Variants in ESRRB observed in about 807,000 individuals in gnomAD.
ESRRB encodes the protein steroid hormone receptor ERR2.
In ESRRB, 16 loss-of-function variants were observed where a neutral mutation model predicts 46.0. That is an observed-to-expected ratio of 0.35 (90% confidence interval 0.24 to 0.53). The LOEUF (loss-of-function observed/expected upper bound fraction) is 0.53, where lower values mean the gene tolerates loss of function less well. Ranked by LOEUF, ESRRB falls within the 20% of genes least tolerant of loss-of-function variation. ESRRB has a pLI of 0.93. For synonymous variants in ESRRB, 246 were observed against 259.6 expected (o/e 0.95, Z 0.50); for missense variants, 488 against 607.4 (o/e 0.80, Z 2.07).
intron 1 of ESRRB, among the ~76,000 whole-genome samples, chr14:76,322,753 C>G (rs1883882667): frequency 6.6e-6 from 1 of 152,214 alleles, no homozygotes; most frequent in African/African-American, 2.4e-5. Flanking sequence ...GCAGTGGGGT[C>G]TTCTGCCGAT....
intron 1 of ESRRB, among the ~76,000 whole-genome samples, chr14:76,352,071 C>T (rs532131754): frequency 1.3e-5 from 2 of 151,042 alleles, no homozygotes; most frequent in African/African-American, 4.9e-5. Context: ...TGAGTCAGTG[C>T]CTGGCACAGA....
chr14:76,331,634 C>G lies in ESRRB; in HGVS notation c.2+20718C>G, dbSNP rs1485408348. Among the ~76,000 whole-genome samples, 3 of 152,238 alleles carry G rather than the reference C, an allele frequency of 2.0e-5. No individual in the cohort carries two copies. In the East Asian group the frequency reaches 5.8e-4, roughly 29 times the overall value. On this transcript the variant is annotated intron_variant, in intron 1 of 6. Transcript: ENST00000512784. ...TCTCTGCTTGAAGGACAACAGAGAG[C>G]TGGGGATATGCAGCTGCCTGTCCTC... is the stretch of plus-strand genomic sequence containing the variant.
chr14:76,482,543 C>T lies in ESRRB; in HGVS notation c.689-55C>T, dbSNP rs1025029024. On this transcript the variant is annotated intron_variant, in intron 4 of 6. Coordinates refer to ENST00000644823, the MANE Select transcript of ESRRB (RefSeq NM_001379180.1). The surrounding 1 kb of genome is among the most constrained non-coding windows in gnomAD (Gnocchi z 4.3). Reference sequence around the variant, plus strand: ...CTTCCTGACCCATCTGAGCCTCCACCCCGGCCCCTTTCCTCTTTTCCCAGC... The same window carrying T: ...CTTCCTGACCCATCTGAGCCTCCACTCCGGCCCCTTTCCTCTTTTCCCAGC... 4.4e-6 allele frequency: 7 copies of T among 1,606,760 alleles called. No individual in the cohort carries two copies. The Admixed American group carries it at 1.2e-4, about 27-fold the overall frequency.
chr14:76,335,327 A>G (rs967308046), intron 1 of ESRRB, among the ~76,000 whole-genome samples: 20 of 152,182 alleles, frequency 1.3e-4, no homozygotes, highest in Non-Finnish European at 1.9e-4. Flanking sequence ...TGTACCCAGT[A>G]TATACCAGGC....
intron 3 of ESRRB, among the ~76,000 whole-genome samples, chr14:76,466,673 GC>G (rs1889123579): frequency 6.6e-6 from 1 of 151,974 alleles, no homozygotes; most frequent in Admixed American, 6.5e-5. Flanking sequence ...GGAGTTGATG[GC>G]CTGTGTTCTG....
At chr14:76,345,665 CA>C (rs58894003) in intron 1 of ESRRB, among the ~76,000 whole-genome samples, 152,362 of 152,362 alleles carry the variant, frequency 1, 76,181 homozygotes, top group Non-Finnish European at 1. Flanking sequence ...GTAGAACCAC[CA>C]ATTTGATCCA....
At chr14:76,329,166 C>T (rs1883972839) in intron 1 of ESRRB, among the ~76,000 whole-genome samples, 1 of 152,168 alleles carries the variant, frequency 6.6e-6, no homozygotes, top group Admixed American at 6.5e-5. Context: ...AATTGGATCA[C>T]ATTCTGGGAA....
intron 3 of ESRRB, among the ~76,000 whole-genome samples, chr14:76,464,318 C>A (rs984615235): frequency 9.9e-5 from 15 of 152,204 alleles, no homozygotes; most frequent in Admixed American, 4.6e-4. Flanking sequence ...CCTGCTACCC[C>A]CTCTCCCAGG....
At chr14:76,428,016 G>C (rs779452176) in intron 1 of ESRRB, among the ~76,000 whole-genome samples, 1 of 152,154 alleles carries the variant, frequency 6.6e-6, no homozygotes, top group Non-Finnish European at 1.5e-5. Flanking sequence ...ATATATGTTT[G>C]AGATGGAGTT....
At chr14:76,355,637 G>T (rs1884370471) in intron 1 of ESRRB, among the ~76,000 whole-genome samples, 1 of 152,110 alleles carries the variant, frequency 6.6e-6, no homozygotes, top group East Asian at 1.9e-4. Context: ...GTACAATGCT[G>T]GGCAGTAATA....
At chr14:76,471,572 C>T (rs1566604728) in intron 3 of ESRRB, among the ~76,000 whole-genome samples, 1 of 152,142 alleles carries the variant, frequency 6.6e-6, no homozygotes, top group African/African-American at 2.4e-5. Context: ...CAAACTGTTT[C>T]CCATCTTAGG....
At chr14:76,493,221 C>G (rs1287843065) in intron 6 of ESRRB, among the ~76,000 whole-genome samples, 1 of 152,154 alleles carries the variant, frequency 6.6e-6, no homozygotes, top group African/African-American at 2.4e-5. Context: ...GCGATGCAAT[C>G]TCGGCTCACT....
chr14:76,494,779 G>T (rs1386628909), intron 6 of ESRRB, among the ~76,000 whole-genome samples: 1 of 152,208 alleles, frequency 6.6e-6, no homozygotes, highest in African/African-American at 2.4e-5. Flanking sequence ...AGGAGCAAAA[G>T]CAGTTAAAGC....
intron 1 of ESRRB, among the ~76,000 whole-genome samples, chr14:76,410,871 C>T (rs951673089): frequency 1.3e-5 from 2 of 151,998 alleles, no homozygotes; most frequent in South Asian, 2.1e-4. Flanking sequence ...GCAACCTCCC[C>T]CTTCTGGGTT....
chr14:76,413,446 C>T (rs890653457), intron 1 of ESRRB, among the ~76,000 whole-genome samples: 1 of 152,164 alleles, frequency 6.6e-6, no homozygotes, highest in Non-Finnish European at 1.5e-5. Context: ...GCCCAGAATG[C>T]CATTCCCCAC....
intron 1 of ESRRB, among the ~76,000 whole-genome samples, chr14:76,427,537 A>T (rs928032566): frequency 6.6e-6 from 1 of 152,200 alleles, no homozygotes; most frequent in Non-Finnish European, 1.5e-5. Flanking sequence ...ATGCAAATAC[A>T]TAATGAAATG....
Position 76,422,300 on chromosome 14 carries a change from TCCCGGG to T in ESRRB, c.51-17040_51-17035del, listed in dbSNP as rs1402830916. ...ATCTCAGCTCACTGCAACCTCCGCC[TCCCGGG>T]TTCAAGCGATTCTCCTGCCTCAGCC... On this transcript the variant is annotated intron_variant, in intron 1 of 6. Transcript: ENST00000644823. 1.4e-4 allele frequency among the ~76,000 whole-genome samples: 19 copies of T among 136,266 alleles called. 1 individual carries two copies. In the Middle Eastern group the frequency reaches 0.027, roughly 190 times the overall value. 89.4% of individuals were successfully genotyped at this position (136,266 alleles called of 152,430 possible). A position where few individuals can be genotyped will look rare whatever the true frequency, so the allele number is the denominator to read the frequency against.
intron 1 of ESRRB, among the ~76,000 whole-genome samples, chr14:76,431,518 T>TC (rs1232854176): frequency 6.6e-6 from 1 of 152,088 alleles, no homozygotes; most frequent in Non-Finnish European, 1.5e-5. Context: ...AAGCTCGGTG[T>TC]CCCCTGGGGA....
chr14:76,448,834 C>T (rs1024698569), intron 2 of ESRRB, among the ~76,000 whole-genome samples: 3 of 150,094 alleles, frequency 2.0e-5, no homozygotes, highest in African/African-American at 7.6e-5. Flanking sequence ...CAGATGTCTG[C>T]TTATAACAAT....
Sources: allele counts gnomAD v4.1 joint callset (sites outside exome capture counted in the v4.1 genomes callset), GRCh38; gene constraint gnomAD v4.1.1; non-coding constraint Gnocchi (gnomAD v3.1); transcripts MANE v1.5; gene names NCBI Gene and HGNC (gene_info 2026-07-23, HGNC 2026-07-21).